The following XPO7 variants were observed in gnomAD, a reference collection of about 807,000 sequenced individuals.
XPO7 encodes exportin 7.
A neutral mutation model predicts 144.3 loss-of-function variants in XPO7; 21 were observed. The ratio of observed to expected loss-of-function variants is 0.15; its 90% CI spans 0.10 to 0.21. XPO7 has a LOEUF of 0.21. XPO7 is among the 10% of genes least tolerant of loss of function. The probability of loss-of-function intolerance (pLI) is 1.00; values close to 1 mark genes in which losing one functional copy is unlikely to be tolerated. For synonymous variants in XPO7, 580 were observed against 499.6 expected, an observed-to-expected ratio of 1.16 and a Z score of -2.15; for missense variants, 808 against 1,325.8, an observed-to-expected ratio of 0.61 and a Z score of 6.06.
intron 19 of XPO7, among the ~76,000 whole-genome samples, chr8:21,993,759 G>GA (rs1432678937): frequency 6.6e-6 from 1 of 152,166 alleles, no homozygotes. Context: ...CACCCAAAGA[G>GA]AGAGGTGCTG....
rs901752892 is a variant in XPO7 at position 21,998,079 on chromosome 8, A to G, written c.2346-676A>G. Reference sequence around the variant, plus strand: ...CTCTCCCTCAGTTGCCACTGAAGCCATAAAGGTCCATGCCAACTAATGGCT... The same window carrying G: ...CTCTCCCTCAGTTGCCACTGAAGCCGTAAAGGTCCATGCCAACTAATGGCT... On this transcript the variant is annotated intron_variant, in intron 21 of 27. Coordinates refer to ENST00000252512, the MANE Select transcript of XPO7 (RefSeq NM_015024.5). 2.6e-5 allele frequency among the ~76,000 whole-genome samples: 4 copies of G among 152,220 alleles called. 1 individual carries two copies. Among genetic ancestry groups the G allele is most frequent in the South Asian group, 2.1e-4 (1 of 4,830 alleles).
chr8:21,984,507 C>A, intron 11 of XPO7, 139 bp from the exon 12 acceptor site: 1 of 784,578 alleles, frequency 1.3e-6, no homozygotes, highest in African/African-American at 1.7e-5. Context: ...AACATTCTTC[C>A]TTGGTTAAAA....
At position 21,981,747 on chromosome 8, in the gene XPO7, ACAATTAC is replaced by A; in HGVS notation, c.977_983del (p.Asn326MetfsTer10). On this transcript the variant is annotated frameshift_variant, in exon 10 of 28. Coordinates refer to ENST00000252512, the MANE Select transcript of XPO7 (RefSeq NM_015024.5). LOFTEE classifies it high-confidence loss of function. ...TACTGCCAGAGTTTATCAGACCCAAACAATTACCATGAGTTTTGCAGACTACTGGCCC... is the reference window on the plus strand; with the variant it reads ...TACTGCCAGAGTTTATCAGACCCAAACATGAGTTTTGCAGACTACTGGCCC... The A allele has an allele frequency of 6.2e-7, 1 of 1,613,902 alleles. No homozygotes were observed. The highest frequency in any genetic ancestry group is 8.5e-7 in the Non-Finnish European group (1 of 1,179,836).
intron 1 of XPO7, among the ~76,000 whole-genome samples, chr8:21,922,333 A>G (rs1384700197): frequency 6.6e-6 from 1 of 152,164 alleles, no homozygotes; most frequent in Non-Finnish European, 1.5e-5. Context: ...AAATTATAAT[A>G]TTTGGATTGC....
chr8:21,945,583 C>A (rs1231890365), intron 1 of XPO7, among the ~76,000 whole-genome samples: 1 of 152,148 alleles, frequency 6.6e-6, no homozygotes, highest in Admixed American at 6.5e-5. Flanking sequence ...ATCTGAAAAT[C>A]CTCCTACTGT....
chr8:21,942,667 A>G (rs1054351834), intron 1 of XPO7, among the ~76,000 whole-genome samples: 4 of 152,246 alleles, frequency 2.6e-5, no homozygotes, highest in African/African-American at 9.6e-5. Context: ...TTCTTCAACA[A>G]GTGATAGTTT....
At chr8:21,942,426 A>T (rs1434557741) in intron 1 of XPO7, among the ~76,000 whole-genome samples, 1 of 152,238 alleles carries the variant, frequency 6.6e-6, no homozygotes, top group Non-Finnish European at 1.5e-5. Flanking sequence ...AAGCCAAAGC[A>T]CAAAATTTTA....
Position 21,987,234 on chromosome 8 carries a change from T to C in XPO7, c.1671T>C (p.Phe557=). 1 of 1,613,932 alleles carries C rather than the reference T, an allele frequency of 6.2e-7. No individual in the cohort carries two copies. The highest frequency in any genetic ancestry group is 8.5e-7 in the Non-Finnish European group (1 of 1,179,866). The change falls in exon 14 of 28, where the codon TTT becomes TTC. Residue 557 remains phenylalanine, a synonymous_variant. Transcript: ENST00000252512. ...ELAMLSFFEQ[F]RKIYIGDQVQ... is the part of the protein sequence containing the mutation. ...CCATGCTGAGCTTTTTTGAACAGTT[T>C]CGTAAGATCTACATTGGGGACCAAG...
chr8:21,930,678 T>C (rs1810614786), intron 1 of XPO7, among the ~76,000 whole-genome samples: 2 of 152,226 alleles, frequency 1.3e-5, no homozygotes, highest in South Asian at 4.1e-4. Flanking sequence ...GAAGTGCCTG[T>C]TGTAGCATAA....
chr8:22,006,112 T>C lies in XPO7; in HGVS notation c.*1024T>C, dbSNP rs1813321913. 1 of 152,216 alleles carries C rather than the reference T, an allele frequency of 6.6e-6. No individual in the cohort carries two copies. The allele number at this position is 152,216 out of a possible 1,614,324, so 9.4% of individuals were successfully genotyped here. On this transcript the variant is annotated 3_prime_UTR_variant, in exon 28 of 28. Coordinates refer to ENST00000252512, the MANE Select transcript of XPO7 (RefSeq NM_015024.5). ...ATGTATGCGTGTGGATATTTATATA[T>C]GTACCCTGCACTCATGAATGTATGA...
At chr8:21,956,158 T>C (rs2117300929) in intron 1 of XPO7, among the ~76,000 whole-genome samples, 1 of 152,356 alleles carries the variant, frequency 6.6e-6, no homozygotes, top group Admixed American at 6.5e-5. Context: ...TTTGTTCTAC[T>C]CACACATGAT....
chr8:21,928,913 C>T (rs1184856541), intron 1 of XPO7, among the ~76,000 whole-genome samples: 5 of 152,162 alleles, frequency 3.3e-5, no homozygotes, highest in African/African-American at 1.2e-4. Flanking sequence ...ATAGTCTTGA[C>T]AGACATTTTG....
intron 5 of XPO7, among the ~76,000 whole-genome samples, chr8:21,973,856 C>G (rs1433100143): frequency 6.6e-6 from 1 of 152,136 alleles, no homozygotes. Flanking sequence ...GCTGAAAAGA[C>G]AAGAACAGGG....
chr8:21,937,165 G>A (rs1277439491), intron 1 of XPO7, among the ~76,000 whole-genome samples: 1 of 152,146 alleles, frequency 6.6e-6, no homozygotes, highest in Admixed American at 6.5e-5. Context: ...TTAGATTAAC[G>A]AGTAATTTAT....
chr8:21,943,326 C>A (rs1811055340), intron 1 of XPO7, among the ~76,000 whole-genome samples: 1 of 152,028 alleles, frequency 6.6e-6, no homozygotes, highest in African/African-American at 2.4e-5. Context: ...TATGGCAGTT[C>A]CTTTTGAGTG....
intron 17 of XPO7, 200 bp from the exon 18 acceptor site, chr8:21,990,611 C>G: frequency 1.4e-6 from 1 of 709,020 alleles, no homozygotes; most frequent in Non-Finnish European, 2.3e-6. Context: ...GGTGAAGTCA[C>G]CTACTGCTAC....
chr8:21,932,120 C>T lies in XPO7; in HGVS notation c.18+12332C>T, dbSNP rs61021993. Among the ~76,000 whole-genome samples the T allele has an allele frequency of 8.8e-3, 1,344 of 152,202 alleles. 19 individuals carry two copies. The highest frequency in any genetic ancestry group is 0.031 in the African/African-American group (1,282 of 41,518). On this transcript the variant is annotated intron_variant, in intron 1 of 27. Transcript: ENST00000252512. ...AACTCCTGACCTCAGGTGATCCGCA[C>T]GCCTCCCAAAGTGCTGAGATTGCAG...
At chr8:21,988,909 A>G in intron 15 of XPO7, 94 bp from the exon 16 acceptor site, 1 of 1,117,078 alleles carries the variant, frequency 9.0e-7, no homozygotes, top group African/African-American at 1.6e-5. Context: ...ATGTGTGGTG[A>G]CTTTTGATGA....
Position 21,995,139 on chromosome 8 carries a change from A to C in XPO7, c.2238-353A>C, listed in dbSNP as rs569828687. Among the ~76,000 whole-genome samples the C allele has an allele frequency of 3.3e-5, 5 of 152,232 alleles. No individual in the cohort carries two copies. The East Asian group carries it at 9.6e-4, about 29-fold the overall frequency. On this transcript the variant is annotated intron_variant, in intron 20 of 27. Coordinates refer to ENST00000252512, the MANE Select transcript of XPO7 (RefSeq NM_015024.5). Reference sequence around the variant, plus strand: ...ACTTTACTGACTTCATACCCTTGTGAAGATTATTTCAAATCCAGGTGCCTC... The same window carrying C: ...ACTTTACTGACTTCATACCCTTGTGCAGATTATTTCAAATCCAGGTGCCTC...
Sources: allele counts gnomAD v4.1 joint callset (sites outside exome capture counted in the v4.1 genomes callset), GRCh38; gene constraint gnomAD v4.1.1; transcripts MANE v1.5; gene names NCBI Gene and HGNC (gene_info 2026-07-23, HGNC 2026-07-21).